ABCA10: variants seen among roughly 807,000 people sequenced by gnomAD.
ABCA10 encodes ATP binding cassette subfamily A member 10.
A neutral mutation model predicts 187.5 loss-of-function variants in ABCA10; 169 were observed. That is an observed-to-expected ratio of 0.90 (90% CI 0.80 to 1.02). The LOEUF is 1.02. Ranked by LOEUF, ABCA10 falls within the 50% of genes least tolerant of loss-of-function variation. The probability of loss-of-function intolerance (pLI) is 0.00; values close to 1 mark genes in which losing one functional copy is unlikely to be tolerated. For synonymous variants in ABCA10, 574 were observed against 601.8 expected (o/e 0.95, Z 0.68); for missense variants, 1,727 against 1,812.4 (o/e 0.95, Z 0.86).
chr17:69,240,870 A>T (rs2074899483), intron 1 of ABCA10, among the ~76,000 whole-genome samples: 1 of 152,214 alleles, frequency 6.6e-6, no homozygotes, highest in Admixed American at 6.5e-5. Context: ...ACTCTGGGTA[A>T]GACCCCTTGC....
chr17:69,224,546 T>TA (rs1568075614), intron 3 of ABCA10, among the ~76,000 whole-genome samples: 1 of 152,108 alleles, frequency 6.6e-6, no homozygotes, highest in Non-Finnish European at 1.5e-5. Context: ...TAAAGGATGG[T>TA]AGGCAAAGGT....
At chr17:69,226,622 T>C (rs2074795313) in intron 2 of ABCA10, among the ~76,000 whole-genome samples, 1 of 152,044 alleles carries the variant, frequency 6.6e-6, no homozygotes, top group South Asian at 2.1e-4. Context: ...GAAACCATTC[T>C]ATGTTTACAA....
chr17:69,166,429 G>A (rs780741536), intron 25 of ABCA10, among the ~76,000 whole-genome samples: 7 of 151,978 alleles, frequency 4.6e-5, no homozygotes, highest in Non-Finnish European at 8.8e-5. Flanking sequence ...AATAAATCCA[G>A]TGTAAGGACC....
rs773731325 is a variant in ABCA10, at chr17:69,152,413, T to G, written c.4205A>C (p.Glu1402Ala). The G allele has an allele frequency of 1.2e-6, 2 of 1,614,030 alleles. No individual in the cohort carries two copies. Among genetic ancestry groups the G allele is most frequent in the Non-Finnish European group, 1.7e-6 (2 of 1,179,954 alleles). The change falls in exon 35 of 39, where the codon GAG becomes GCG. Residue 1402 changes from glutamate to alanine, a missense_variant. By Grantham distance (107) the Glu-to-Ala change is moderately radical (BLOSUM62 -1). Transcript: ENST00000690296. Reference sequence around the variant, plus strand: ...CATACGGTCACACACAGCCTCAGCCTCTGACATGTAATGGGTGGTCAAGAG... The same window carrying G: ...CATACGGTCACACACAGCCTCAGCCGCTGACATGTAATGGGTGGTCAAGAG... ...GTLLTTHYMS[E>A]AEAVCDRMAM...
chr17:69,167,260 G>T (rs1284493293), intron 25 of ABCA10, among the ~76,000 whole-genome samples: 2 of 152,098 alleles, frequency 1.3e-5, no homozygotes, highest in African/African-American at 4.8e-5. Flanking sequence ...TCTAGATCAG[G>T]GGTCATAAGA....
chr17:69,154,958 A>T, intron 30 of ABCA10, 61 bp downstream of exon 30: 1 of 1,247,030 alleles, frequency 8.0e-7, no homozygotes, highest in Non-Finnish European at 1.1e-6. Context: ...TCCCCTTTGT[A>T]GTCTTAAATC....
chr17:69,231,026 T>C (rs191176307), upstream of ABCA10, among the ~76,000 whole-genome samples: 4 of 152,204 alleles, frequency 2.6e-5, no homozygotes, highest in Non-Finnish European at 4.4e-5. Context: ...CAAATTTCCA[T>C]TGTATTAGTT....
intron 6 of ABCA10, among the ~76,000 whole-genome samples, chr17:69,217,112 T>G (rs1380025788): frequency 2.6e-5 from 4 of 151,886 alleles, no homozygotes; most frequent in Admixed American, 6.6e-5. Flanking sequence ...CTGGGTGAGG[T>G]GGCGGGCACC....
At chr17:69,210,993 G>C (rs577002911) in intron 9 of ABCA10, among the ~76,000 whole-genome samples, 12 of 151,302 alleles carry the variant, frequency 7.9e-5, no homozygotes, top group African/African-American at 2.9e-4. Context: ...TGTTGGCACA[G>C]ATGTCGTGAG....
At chr17:69,216,055 G>T (rs1301990728) in intron 7 of ABCA10, 55 bp from the exon 8 acceptor site, 8 of 1,568,830 alleles carry the variant, frequency 5.1e-6, no homozygotes, top group East Asian at 2.2e-5. Flanking sequence ...TTCATAAATA[G>T]CAATATTCAT....
intron 25 of ABCA10, among the ~76,000 whole-genome samples, chr17:69,173,585 G>A (rs1411565961): frequency 6.6e-6 from 1 of 152,138 alleles, no homozygotes; most frequent in African/African-American, 2.4e-5. Context: ...TGCCTAAGAT[G>A]AGCCTGGGGA....
At position 69,170,254 on chromosome 17, in the gene ABCA10, C is replaced by T. The variant is rs139813241; in HGVS notation, c.3162+4027G>A. Among the ~76,000 whole-genome samples, 30 of 149,876 alleles carry T rather than the reference C, an allele frequency of 2.0e-4. 1 individual carries two copies. In the East Asian group the frequency reaches 5.9e-3, roughly 29 times the overall value. On this transcript the variant is annotated intron_variant, in intron 25 of 38. Coordinates refer to ENST00000690296, the MANE Select transcript of ABCA10 (RefSeq NM_001377321.1). ...AGTGAGCCAAGATCGCCCCACTGCACTCCAGCCTGGGCAACAGAGTGAGAT... is the reference window on the plus strand; with the variant it reads ...AGTGAGCCAAGATCGCCCCACTGCATTCCAGCCTGGGCAACAGAGTGAGAT...
At chr17:69,238,234 A>G (rs1259891749) in intron 1 of ABCA10, among the ~76,000 whole-genome samples, 3 of 151,984 alleles carry the variant, frequency 2.0e-5, no homozygotes, top group African/African-American at 7.2e-5. Context: ...CCCTCTGAGT[A>G]TCCAAAAATG....
At chr17:69,243,780 A>C (rs561341437) in intron 1 of ABCA10, among the ~76,000 whole-genome samples, 124 of 152,240 alleles carry the variant, frequency 8.1e-4, no homozygotes, top group African/African-American at 2.9e-3. Flanking sequence ...TGCCTGTAGT[A>C]CCAGCTACTC....
chr17:69,240,754 G>A (rs12944668), intron 1 of ABCA10, among the ~76,000 whole-genome samples: 2,454 of 152,274 alleles, frequency 0.016, 36 homozygotes, highest in Middle Eastern at 0.048. Flanking sequence ...GCTTTCCCAA[G>A]AAATCAATCA....
At position 69,148,810 on chromosome 17, in the gene ABCA10, T is replaced by C; in HGVS notation, c.*17A>G. On this transcript the variant is annotated 3_prime_UTR_variant, in exon 39 of 39. Coordinates refer to ENST00000690296, the MANE Select transcript of ABCA10 (RefSeq NM_001377321.1). ...ATGTAGTAGGACCTAAAATTGAATG[T>C]TAGGAGGTTCTTCATTTTAAGGGTC... 3 of 1,594,176 alleles carry C rather than the reference T, an allele frequency of 1.9e-6. No homozygotes were observed. The highest frequency in any genetic ancestry group is 4.5e-4 in the Middle Eastern group (2 of 4,460).
chr17:69,236,772 T>C (rs2074874589), intron 1 of ABCA10, among the ~76,000 whole-genome samples: 1 of 138,284 alleles, frequency 7.2e-6, no homozygotes, highest in Non-Finnish European at 1.5e-5. Context: ...TTTGGCAAAG[T>C]GTGGAGACAT....
chr17:69,182,154 C>T lies in ABCA10; in HGVS notation c.2768G>A (p.Arg923His), dbSNP rs767269390. 3.2e-5 allele frequency: 51 copies of T among 1,572,450 alleles called. No individual in the cohort carries two copies. The East Asian group carries it at 4.5e-4, about 14-fold the overall frequency. The change falls in exon 22 of 39, where the codon CGT (arginine) becomes CAT (histidine). Residue 923 changes from arginine (R) to histidine (H), a missense_variant and splice_region_variant. Transcript: ENST00000690296. ...LIQMESTSFS[R>H]DDIVLDLGFI... ...ATATAAGTCGAATACTCTACTTACA[C>T]GAGAAAATGAAGTGCTCTCCATTTG... is the stretch of plus-strand genomic sequence containing the variant.
intron 27 of ABCA10, 68 bp downstream of exon 27, chr17:69,164,005 CT>C: frequency 7.9e-7 from 1 of 1,268,046 alleles, no homozygotes. Context: ...TTTGGCATAC[CT>C]TGAATAAGAT....
Sources: gnomAD v4.1 joint callset for allele counts (sites outside exome capture counted in the v4.1 genomes callset) on GRCh38, gnomAD v4.1.1 for gene constraint, MANE v1.5 for transcripts, NCBI Gene and HGNC (gene_info 2026-07-23, HGNC 2026-07-21) for gene names.